SMYD3: variants seen among roughly 807,000 people sequenced by gnomAD.
SMYD3 encodes histone-lysine N-methyltransferase SMYD3.
A neutral mutation model predicts 57.7 loss-of-function variants in SMYD3; 36 were observed. That is an observed-to-expected ratio of 0.62 (90% CI 0.48 to 0.82). SMYD3 has a LOEUF of 0.82. Ranked by LOEUF, SMYD3 falls within the 40% of genes least tolerant of loss-of-function variation. The pLI, the probability that SMYD3 is intolerant of heterozygous loss-of-function variation, is 0.00. For synonymous variants in SMYD3, 211 were observed against 195.0 expected (o/e 1.08, Z -0.68); for missense variants, 515 against 538.8 (o/e 0.96, Z 0.44).
At chr1:246,037,765 T>C (rs77861070) in intron 5 of SMYD3, among the ~76,000 whole-genome samples, 4,424 of 152,298 alleles carry the variant, frequency 0.029, 220 homozygotes, top group African/African-American at 0.1. Context: ...GAGAAACCTG[T>C]TTGCTATTGC....
intron 5 of SMYD3, among the ~76,000 whole-genome samples, chr1:246,230,219 A>C (rs114255623): frequency 2.4e-4 from 36 of 152,288 alleles, no homozygotes; most frequent in African/African-American, 8.7e-4. Flanking sequence ...CATGTTTACA[A>C]TTGCTCCAAG....
chr1:246,087,351 C>T (rs1376123452), intron 5 of SMYD3, among the ~76,000 whole-genome samples: 1 of 152,230 alleles, frequency 6.6e-6, no homozygotes, highest in African/African-American at 2.4e-5. Context: ...AGACCGTTGA[C>T]TTCCTTAATC....
intron 5 of SMYD3, among the ~76,000 whole-genome samples, chr1:246,250,571 C>T (rs760145061): frequency 6.6e-6 from 1 of 152,242 alleles, no homozygotes; most frequent in South Asian, 2.1e-4. Context: ...AGGCTTATAA[C>T]ACTGCCAAAA....
intron 1 of SMYD3, among the ~76,000 whole-genome samples, chr1:246,481,880 G>C (rs1484557343): frequency 6.6e-6 from 1 of 151,392 alleles, no homozygotes; most frequent in Non-Finnish European, 1.5e-5. Flanking sequence ...CTTCTGGCTG[G>C]GTGTAATGGC....
chr1:245,973,939 T>C (rs2058361511), intron 5 of SMYD3, among the ~76,000 whole-genome samples: 1 of 152,238 alleles, frequency 6.6e-6, no homozygotes, highest in Admixed American at 6.5e-5. Context: ...TATTTTCTCA[T>C]ATGAGAGTCA....
Position 246,180,700 on chromosome 1 carries a change from A to T in SMYD3, c.531+146501T>A, listed in dbSNP as rs113764695. On this transcript the variant is annotated intron_variant, in intron 5 of 11. Coordinates refer to ENST00000490107, the MANE Select transcript of SMYD3 (RefSeq NM_001167740.2). ...CTTGAACCTGGGAGGCAGTGCTTGCAGTGAGCTGAGATCGCACCACCACAC... is the reference window on the plus strand; with the variant it reads ...CTTGAACCTGGGAGGCAGTGCTTGCTGTGAGCTGAGATCGCACCACCACAC... Among the ~76,000 whole-genome samples, 21 of 131,600 alleles carry T rather than the reference A, an allele frequency of 1.6e-4. No individual in the cohort carries two copies. In the South Asian group the frequency reaches 5.4e-3, roughly 34 times the overall value. The allele number at this position is 131,600 out of a possible 152,430, so 86.3% of individuals were successfully genotyped here.
Position 246,349,555 on chromosome 1 carries a change from G to A in SMYD3, c.228+5476C>T, listed in dbSNP as rs187592797. Among the ~76,000 whole-genome samples the A allele has an allele frequency of 2.6e-5, 4 of 151,774 alleles. No individual in the cohort carries two copies. In the East Asian group the frequency reaches 5.9e-4, roughly 22 times the overall value. On this transcript the variant is annotated intron_variant, in intron 2 of 11. Transcript: ENST00000490107. Reference sequence around the variant, plus strand: ...CTGAGGAGGTCAAGTCTGCAGTGAGGGGTGTTCAGGCCACTGCACTCCAGC... The same window carrying A: ...CTGAGGAGGTCAAGTCTGCAGTGAGAGGTGTTCAGGCCACTGCACTCCAGC...
At chr1:246,431,575 C>T (rs1244677050) in intron 1 of SMYD3, among the ~76,000 whole-genome samples, 1 of 152,056 alleles carries the variant, frequency 6.6e-6, no homozygotes, top group Non-Finnish European at 1.5e-5. Context: ...ACTAAAAATA[C>T]AAAAATCAGC....
At chr1:246,000,477 C>T (rs1034448937) in intron 5 of SMYD3, among the ~76,000 whole-genome samples, 5 of 152,140 alleles carry the variant, frequency 3.3e-5, no homozygotes, top group African/African-American at 1.2e-4. Context: ...CAGGGGGCGT[C>T]CACCTTCCAT....
intron 1 of SMYD3, among the ~76,000 whole-genome samples, chr1:246,370,398 G>A (rs780492138): frequency 1.3e-5 from 2 of 152,218 alleles, no homozygotes; most frequent in Non-Finnish European, 2.9e-5. Flanking sequence ...AATAAAGAGT[G>A]AGTGGCAGAG....
In SMYD3 at chr1:246,251,577, CTG is replaced by C. The variant is rs565877883; in HGVS notation, c.531+75622_531+75623del. 8.7e-4 allele frequency among the ~76,000 whole-genome samples: 43 copies of C among 49,648 alleles called. 3 individuals are homozygous for C. Among genetic ancestry groups the C allele is most frequent in the African/African-American group, 3.5e-3 (43 of 12,228 alleles). 32.6% of individuals were successfully genotyped at this position (49,648 alleles called of 152,430 possible). A position where few individuals can be genotyped will look rare whatever the true frequency, so the allele number is the denominator to read the frequency against. ...CCGGCTTTAGTAGGTGCCGCGGACA[CTG>C]TGCCCGGCTTTAGTAGGTGCCGCGG... On this transcript the variant is annotated intron_variant, in intron 5 of 11. Coordinates refer to ENST00000490107, the MANE Select transcript of SMYD3 (RefSeq NM_001167740.2).
chr1:246,358,439 T>TA (rs2065938493), intron 1 of SMYD3, among the ~76,000 whole-genome samples: 1 of 152,074 alleles, frequency 6.6e-6, no homozygotes, highest in Non-Finnish European at 1.5e-5. Context: ...ACAATGGACT[T>TA]AAACTATACC....
intron 5 of SMYD3, among the ~76,000 whole-genome samples, chr1:246,072,678 G>A (rs1363874228): frequency 1.3e-5 from 2 of 152,170 alleles, no homozygotes; most frequent in Non-Finnish European, 2.9e-5. Flanking sequence ...GAGGAGATTA[G>A]TACATGACTC....
intron 10 of SMYD3, among the ~76,000 whole-genome samples, chr1:245,766,898 G>A (rs978737057): frequency 1.3e-5 from 2 of 152,214 alleles, no homozygotes; most frequent in Non-Finnish European, 2.9e-5. Context: ...GAGAGCATGA[G>A]GAAGCGCTTG....
intron 5 of SMYD3, among the ~76,000 whole-genome samples, chr1:246,064,144 C>A (rs1396054805): frequency 6.6e-5 from 10 of 152,092 alleles, no homozygotes; most frequent in Admixed American, 5.9e-4. Flanking sequence ...TTAATGGAGG[C>A]CTCTGTTCTC....
intron 10 of SMYD3, among the ~76,000 whole-genome samples, chr1:245,817,371 C>G (rs78410327): frequency 0.037 from 4,999 of 136,520 alleles, 164 homozygotes; most frequent in Admixed American, 0.077. Context: ...AAACAGAAAG[C>G]ACATCCACAC....
At chr1:246,201,874 G>T (rs548396045) in intron 5 of SMYD3, among the ~76,000 whole-genome samples, 1 of 152,032 alleles carries the variant, frequency 6.6e-6, no homozygotes, top group Non-Finnish European at 1.5e-5. Flanking sequence ...TTAGCTGGGC[G>T]TGGTGGCTCA....
At chr1:246,291,402 C>G (rs1171217898) in intron 5 of SMYD3, among the ~76,000 whole-genome samples, 1 of 152,168 alleles carries the variant, frequency 6.6e-6, no homozygotes, top group Non-Finnish European at 1.5e-5. Context: ...GACCACGAGG[C>G]ACCTAAGCAA....
intron 5 of SMYD3, among the ~76,000 whole-genome samples, chr1:245,935,023 T>G (rs762998686): frequency 2.6e-5 from 4 of 152,194 alleles, no homozygotes; most frequent in Non-Finnish European, 4.4e-5. Flanking sequence ...CAGAAGCAAG[T>G]AGGAGATATG....
Sources: gnomAD v4.1 joint callset for allele counts (sites outside exome capture counted in the v4.1 genomes callset) on GRCh38, gnomAD v4.1.1 for gene constraint, MANE v1.5 for transcripts, NCBI Gene and HGNC (gene_info 2026-07-23, HGNC 2026-07-21) for gene names.